GRB2: variants seen among roughly 807,000 people sequenced by gnomAD.
GRB2 encodes the protein growth factor receptor-bound protein 2.
GRB2 carries 2 observed loss-of-function variants against 27.4 expected under a neutral mutation model. The observed-to-expected ratio is 0.07, with a 90% confidence interval of 0.03 to 0.23. The LOEUF (loss-of-function observed/expected upper bound fraction) is 0.23. GRB2 is among the 10% of genes least tolerant of loss of function. The pLI, the probability that GRB2 is intolerant of heterozygous loss-of-function variation, is 1.00. For synonymous variants in GRB2, 94 were observed against 99.6 expected (o/e 0.94, Z 0.33); for missense variants, 102 against 282.4 (o/e 0.36, Z 4.58).
intron 2 of GRB2, among the ~76,000 whole-genome samples, chr17:75,355,384 AGT>A (rs958516307): frequency 6.6e-6 from 1 of 152,134 alleles, no homozygotes; most frequent in Admixed American, 6.6e-5. Context: ...TTTCTGGAAC[AGT>A]TGTCTATACT....
chr17:75,397,826 T>C (rs953812693), intron 1 of GRB2, among the ~76,000 whole-genome samples: 3 of 150,424 alleles, frequency 2.0e-5, no homozygotes, highest in Admixed American at 2.0e-4. Flanking sequence ...AATTTATTTA[T>C]TTATTTATTT....
At position 75,385,798 on chromosome 17, in the gene GRB2, G is replaced by T. The variant is rs551419622; in HGVS notation, c.78+7753C>A. ...GTTATATTATTACTTATTAAAACAG[G>T]ATCCATTTAAACGTTTCTCTGTGCA... is the stretch of plus-strand genomic sequence containing the variant. On this transcript the variant is annotated intron_variant, in intron 2 of 5. Transcript: ENST00000316804. Among the ~76,000 whole-genome samples, 16 of 152,288 alleles carry T rather than the reference G, an allele frequency of 1.1e-4. No individual in the cohort carries two copies. In the South Asian group the frequency reaches 2.7e-3, roughly 26 times the overall value.
intron 1 of GRB2, chr17:75,394,726 G>C (rs1460014167): frequency 6.6e-6 from 1 of 152,198 alleles, no homozygotes; most frequent in Non-Finnish European, 1.5e-5. Flanking sequence ...GCCCGCAGAA[G>C]GTCAAAGAGA....
At chr17:75,347,811 T>C (rs1474547140) in intron 2 of GRB2, among the ~76,000 whole-genome samples, 2 of 152,188 alleles carry the variant, frequency 1.3e-5, no homozygotes, top group African/African-American at 4.8e-5. Context: ...GTCAACACCT[T>C]GCAAATAGTC....
intron 2 of GRB2, among the ~76,000 whole-genome samples, chr17:75,341,806 G>C (rs1320766378): frequency 6.6e-6 from 1 of 152,070 alleles, no homozygotes; most frequent in African/African-American, 2.4e-5. Flanking sequence ...GTCAGGAGAT[G>C]GGGACCCACC....
rs1164720894 is a variant in GRB2 at position 75,393,910 on chromosome 17, C to CG, written c.-137-146_-137-145insC. 1.6e-5 allele frequency: 8 copies of CG among 487,288 alleles called. No homozygotes were observed. In the Admixed American group the frequency reaches 2.3e-4, roughly 14 times the overall value. The allele number at this position is 487,288 out of a possible 1,614,324, so 30.2% of individuals were successfully genotyped here. ...CCTCCCTTCCAGGCAACAGCCCCCCCCCGCCGACTTCTTCCTCTTTTCAGC... is the reference window on the plus strand; with the variant it reads ...CCTCCCTTCCAGGCAACAGCCCCCCCGCCGCCGACTTCTTCCTCTTTTCAGC... On this transcript the variant is annotated intron_variant, in intron 1 of 5. Coordinates refer to ENST00000316804, the MANE Select transcript of GRB2 (RefSeq NM_002086.5).
rs530727206 is a variant in GRB2 at position 75,337,808 on chromosome 17, C to A, written c.79-5011G>T. The stretch of plus-strand genomic sequence containing the variant: ...ACGGTCTTGATCTGACCTCGTGATC[C>A]GCCTGCCTCGGCCTCCAAAAGTGCT... On this transcript the variant is annotated intron_variant, in intron 2 of 5. Coordinates refer to ENST00000316804, the MANE Select transcript of GRB2 (RefSeq NM_002086.5). 4.9e-4 allele frequency among the ~76,000 whole-genome samples: 74 copies of A among 150,308 alleles called. No homozygotes were observed. In the South Asian group the frequency reaches 9.4e-3, roughly 19 times the overall value.
At chr17:75,403,243 T>C (rs945688573) in intron 1 of GRB2, among the ~76,000 whole-genome samples, 20 of 151,176 alleles carry the variant, frequency 1.3e-4, no homozygotes, top group African/African-American at 4.8e-4. Flanking sequence ...TAAGCAAGTA[T>C]TAATTTCTCT....
chr17:75,342,214 A>C (rs186674322), intron 2 of GRB2, among the ~76,000 whole-genome samples: 68 of 152,300 alleles, frequency 4.5e-4, no homozygotes, highest in Admixed American at 3.8e-3. Flanking sequence ...TACTTGGACC[A>C]TGTGCTGCTA....
At chr17:75,381,741 A>G (rs1020657895) in intron 2 of GRB2, among the ~76,000 whole-genome samples, 6 of 151,100 alleles carry the variant, frequency 4.0e-5, no homozygotes, top group African/African-American at 1.5e-4. Context: ...AAAAGAAAAA[A>G]AAAAAGAAAA....
At position 75,368,205 on chromosome 17, in the gene GRB2, G is replaced by A. The variant is rs1475485123; in HGVS notation, c.78+25346C>T. On this transcript the variant is annotated intron_variant, in intron 2 of 5. Transcript: ENST00000316804. ...GCTGGGATTAAAGATAAGAGGCACT[G>A]TGCTCAGCTGTTTTTTTTTTTTTTT... Among the ~76,000 whole-genome samples the A allele has an allele frequency of 3.5e-5, 5 of 142,434 alleles. No individual in the cohort carries two copies. The East Asian group carries it at 1.1e-3, about 31-fold the overall frequency. 93.4% of individuals were successfully genotyped at this position (142,434 alleles called of 152,430 possible).
intron 1 of GRB2, among the ~76,000 whole-genome samples, chr17:75,402,394 C>T (rs1010678073): frequency 6.6e-5 from 10 of 152,088 alleles, no homozygotes; most frequent in African/African-American, 2.4e-4. Flanking sequence ...ATTAAGAATG[C>T]TAAAAAATTT....
intron 1 of GRB2, among the ~76,000 whole-genome samples, chr17:75,396,865 CAGAT>C (rs1193964966): frequency 2.0e-5 from 3 of 152,088 alleles, no homozygotes; most frequent in East Asian, 3.9e-4. Flanking sequence ...AAACAGAAAT[CAGAT>C]AGAAATGAAA....
intron 1 of GRB2, among the ~76,000 whole-genome samples, chr17:75,394,636 T>C (rs1243460904): frequency 6.6e-6 from 1 of 152,194 alleles, no homozygotes; most frequent in Non-Finnish European, 1.5e-5. Context: ...GAAGTCCTAA[T>C]CTACACTTGA....
At chr17:75,331,323 A>T (rs1390546944) in intron 3 of GRB2, among the ~76,000 whole-genome samples, 1 of 152,214 alleles carries the variant, frequency 6.6e-6, no homozygotes, top group Non-Finnish European at 1.5e-5. Flanking sequence ...GTGCTTCTCC[A>T]TCAATTCTTC....
intron 2 of GRB2, chr17:75,387,412 T>A (rs2145868115): frequency 6.7e-6 from 1 of 149,794 alleles, no homozygotes; most frequent in African/African-American, 2.5e-5. Context: ...TGATGGCACC[T>A]CTGCATTCCA....
chr17:75,321,169 C>CTTTTTTTTTTTT (rs61287852), intron 5 of GRB2, among the ~76,000 whole-genome samples: 2 of 120,064 alleles, frequency 1.7e-5, no homozygotes, highest in African/African-American at 7.5e-5. Context: ...AACAACAAAT[C>CTTTTTTTTTTTT]TTTTTTTTTT....
In GRB2 at chr17:75,320,413, G is replaced by T; in HGVS notation, c.609C>A (p.Gly203=). The T allele has an allele frequency of 6.2e-7, 1 of 1,614,146 alleles. No homozygotes were observed. The highest frequency in any genetic ancestry group is 8.5e-7 in the Non-Finnish European group (1 of 1,180,002). ...WWKGACHGQT[G]MFPRNYVTPV... ...GGGTGACATAATTGCGGGGAAACATGCCGGTCTGCCCGTGGCAAGCTCCTT... is the reference window on the plus strand; with the variant it reads ...GGGTGACATAATTGCGGGGAAACATTCCGGTCTGCCCGTGGCAAGCTCCTT... Residue 203 remains glycine, a synonymous_variant, in exon 6 of 6, where the codon GGC becomes GGA. Coordinates refer to ENST00000316804, the MANE Select transcript of GRB2 (RefSeq NM_002086.5). This position sits in a 1 kb window ranked among gnomAD's most constrained non-coding sequence, Gnocchi z 4.3.
chr17:75,349,819 A>G (rs999514211), intron 2 of GRB2, among the ~76,000 whole-genome samples: 1 of 151,764 alleles, frequency 6.6e-6, no homozygotes, highest in African/African-American at 2.4e-5. Context: ...GAGCCACCAC[A>G]CCCTGCTGAC....
Sources: allele counts gnomAD v4.1 joint callset (sites outside exome capture counted in the v4.1 genomes callset), GRCh38; gene constraint gnomAD v4.1.1; non-coding constraint Gnocchi (gnomAD v3.1); transcripts MANE v1.5; gene names NCBI Gene and HGNC (gene_info 2026-07-23, HGNC 2026-07-21).